GABRB2: variants seen among roughly 807,000 people sequenced by gnomAD.
The protein encoded by GABRB2 is gamma-aminobutyric acid type A receptor subunit beta2, also known as gamma-aminobutyric acid receptor subunit beta-2.
A neutral mutation model predicts 54.7 loss-of-function variants in GABRB2; 16 were observed. The observed-to-expected ratio is 0.29, with a 90% CI of 0.20 to 0.44. The LOEUF is 0.44. GABRB2 is among the 20% of genes least tolerant of loss of function. GABRB2 has a pLI of 1.00. For synonymous variants in GABRB2, 244 were observed against 233.8 expected, an observed-to-expected ratio of 1.04 and a Z score of -0.40; for missense variants, 355 against 644.0, an observed-to-expected ratio of 0.55 and a Z score of 4.86.
chr5:161,387,710 A>G (rs1755689801), intron 5 of GABRB2, among the ~76,000 whole-genome samples: 1 of 152,192 alleles, frequency 6.6e-6, no homozygotes, highest in African/African-American at 2.4e-5. Flanking sequence ...TTTAGGGAAG[A>G]ACTATATAGC....
At chr5:161,327,132 T>A in intron 8 of GABRB2, 1 of 256,664 alleles carries the variant, frequency 3.9e-6, no homozygotes, top group Non-Finnish European at 6.1e-6. Flanking sequence ...AGAATAAAGA[T>A]CATGTTTAAA....
intron 2 of GABRB2, among the ~76,000 whole-genome samples, chr5:161,545,519 C>A (rs1292146715): frequency 2.7e-5 from 4 of 150,540 alleles, no homozygotes; most frequent in Non-Finnish European, 5.9e-5. Context: ...ATGCTGTGAA[C>A]AAGGGATTCC....
chr5:161,375,438 T>C (rs756505806), intron 5 of GABRB2, among the ~76,000 whole-genome samples: 3 of 152,178 alleles, frequency 2.0e-5, no homozygotes, highest in Admixed American at 2.0e-4. Flanking sequence ...AGAAATGGTA[T>C]GTGACTGTGA....
At chr5:161,369,943 A>T (rs1755084257) in intron 5 of GABRB2, among the ~76,000 whole-genome samples, 2 of 152,118 alleles carry the variant, frequency 1.3e-5, no homozygotes, top group African/African-American at 4.8e-5. Context: ...AATAAATTAA[A>T]TTGTCTCTGC....
chr5:161,291,688 T>C lies in GABRB2; in HGVS notation c.*2393A>G, dbSNP rs1342544944. ...CTTTGATCTGGATTGTTCTGTTGACTTTCTTGGACATCTAAAATTTTGTTG... is the reference window on the plus strand; with the variant it reads ...CTTTGATCTGGATTGTTCTGTTGACCTTCTTGGACATCTAAAATTTTGTTG... On this transcript the variant is annotated 3_prime_UTR_variant, in exon 10 of 10. Transcript: ENST00000393959. 6.6e-6 allele frequency: 1 copy of C among 152,634 alleles called. No individual in the cohort carries two copies. The highest frequency in any genetic ancestry group is 1.5e-5 in the Non-Finnish European group (1 of 68,028). The allele number at this position is 152,634 out of a possible 1,614,324, so 9.5% of individuals were successfully genotyped here. A position where few individuals can be genotyped will look rare whatever the true frequency, so the allele number is the denominator to read the frequency against.
intron 3 of GABRB2, among the ~76,000 whole-genome samples, chr5:161,522,100 T>C (rs1023693217): frequency 6.6e-6 from 1 of 151,802 alleles, no homozygotes; most frequent in Non-Finnish European, 1.5e-5. Flanking sequence ...CTATTTTCAG[T>C]AAGAAGGGTG....
At chr5:161,439,823 TG>T (rs1757413178) in intron 4 of GABRB2, among the ~76,000 whole-genome samples, 1 of 150,386 alleles carries the variant, frequency 6.6e-6, no homozygotes, top group African/African-American at 2.4e-5. Context: ...CTGCCATTGG[TG>T]GGGGTAGGGG....
intron 4 of GABRB2, among the ~76,000 whole-genome samples, chr5:161,416,370 G>A (rs562513813): frequency 3.7e-4 from 56 of 152,066 alleles, no homozygotes; most frequent in African/African-American, 1.2e-3. Flanking sequence ...GACATAACTT[G>A]GGCCTTTCAG....
intron 9 of GABRB2, among the ~76,000 whole-genome samples, chr5:161,311,870 C>T (rs77963355): frequency 6.6e-6 from 1 of 152,100 alleles, no homozygotes; most frequent in Non-Finnish European, 1.5e-5. Flanking sequence ...TATCTTAGAT[C>T]CCTTAAAGTT....
chr5:161,369,666 C>A (rs1169779911), intron 5 of GABRB2, among the ~76,000 whole-genome samples: 2 of 151,796 alleles, frequency 1.3e-5, no homozygotes, highest in African/African-American at 2.4e-5. Context: ...GTTTTTTTAA[C>A]CCTTGGGAAT....
At chr5:161,354,862 G>A (rs1754569601) in intron 5 of GABRB2, among the ~76,000 whole-genome samples, 1 of 151,910 alleles carries the variant, frequency 6.6e-6, no homozygotes, top group Non-Finnish European at 1.5e-5. Context: ...GCTTTTAGTT[G>A]CAAAAACTGC....
At chr5:161,299,094 C>G (rs1757464209) in intron 9 of GABRB2, among the ~76,000 whole-genome samples, 2 of 152,122 alleles carry the variant, frequency 1.3e-5, no homozygotes, top group African/African-American at 4.8e-5. Flanking sequence ...CAAAATTTTC[C>G]TTAATGAAGG....
intron 5 of GABRB2, among the ~76,000 whole-genome samples, chr5:161,403,448 T>A (rs191391888): frequency 6.6e-6 from 1 of 152,176 alleles, no homozygotes; most frequent in Admixed American, 6.5e-5. Context: ...GCTGAGGAAA[T>A]GCATATAGGT....
In GABRB2 at chr5:161,327,162, G is replaced by A. The variant is rs527517296; in HGVS notation, c.1078-681C>T. 1.8e-4 allele frequency among the ~76,000 whole-genome samples: 27 copies of A among 151,830 alleles called. No homozygotes were observed. In the South Asian group the frequency reaches 5.6e-3, roughly 32 times the overall value. On this transcript the variant is annotated intron_variant, in intron 8 of 9. Transcript: ENST00000393959. ...TTTAAACTACTCCAAAGGACACTTG[G>A]GAAAAAATATTCAGTAGACCTCATG... is the stretch of plus-strand genomic sequence containing the variant.
At chr5:161,544,542 T>A (rs530549781) in intron 3 of GABRB2, among the ~76,000 whole-genome samples, 5 of 152,268 alleles carry the variant, frequency 3.3e-5, no homozygotes, top group Middle Eastern at 6.8e-3. Context: ...TTGCCCCAAG[T>A]CCACGGAGGC....
chr5:161,375,745 G>A (rs1022355155), intron 5 of GABRB2, among the ~76,000 whole-genome samples: 1 of 151,996 alleles, frequency 6.6e-6, no homozygotes, highest in Non-Finnish European at 1.5e-5. Context: ...AACATCATAC[G>A]GTTTAAATGA....
At chr5:161,364,873 G>C (rs752814076) in intron 5 of GABRB2, among the ~76,000 whole-genome samples, 3 of 152,070 alleles carry the variant, frequency 2.0e-5, no homozygotes, top group Non-Finnish European at 4.4e-5. Flanking sequence ...GACTTGTCCA[G>C]AACAGCCATT....
rs991159343 is a variant in GABRB2 at position 161,395,225 on chromosome 5, G to A, written c.541+15750C>T. ...GGGATGGATATACTTTATATTCTGC[G>A]AGTTTCTAGCCTTACAAAACACAAT... is the stretch of plus-strand genomic sequence containing the variant. On this transcript the variant is annotated intron_variant, in intron 5 of 9. Transcript: ENST00000393959. Among the ~76,000 whole-genome samples the A allele has an allele frequency of 1.1e-4, 16 of 152,182 alleles. No homozygotes were observed. In the East Asian group the frequency reaches 2.5e-3, roughly 24 times the overall value.
chr5:161,507,972 A>G (rs556492120), intron 3 of GABRB2, among the ~76,000 whole-genome samples: 11 of 152,028 alleles, frequency 7.2e-5, no homozygotes, highest in Non-Finnish European at 1.6e-4. Context: ...ATACATCTAC[A>G]CCAAGACCCA....
Sources: gnomAD v4.1 joint callset for allele counts (sites outside exome capture counted in the v4.1 genomes callset) on GRCh38, gnomAD v4.1.1 for gene constraint, MANE v1.5 for transcripts, NCBI Gene and HGNC (gene_info 2026-07-23, HGNC 2026-07-21) for gene names.